The following PCDHGA8 variants were observed in gnomAD, a reference collection of about 807,000 sequenced individuals.
The protein encoded by PCDHGA8 is protocadherin gamma subfamily A, 8.
Under a neutral mutation model 59.2 loss-of-function variants are expected in PCDHGA8, and 45 were observed. The ratio of observed to expected loss-of-function variants is 0.76; its 90% CI spans 0.60 to 0.98. The LOEUF (loss-of-function observed/expected upper bound fraction) is 0.98, where lower values mean the gene tolerates loss of function less well. Among genes scored for constraint, PCDHGA8 ranks in the 50% least tolerant of loss-of-function variants. PCDHGA8 has a pLI of 0.00. For missense variants in PCDHGA8, 1,257 were observed against 1,196.2 expected, an observed-to-expected ratio of 1.05 and a Z score of -0.75; for synonymous variants, 531 against 519.0, an observed-to-expected ratio of 1.02 and a Z score of -0.32.
In PCDHGA8 at chr5:141,394,367, A is replaced by G. The variant is rs201573539; in HGVS notation, c.1554A>G (p.Gln518=). 248 of 1,614,150 alleles carry G rather than the reference A, an allele frequency of 1.5e-4. 1 individual carries two copies. Among genetic ancestry groups the G allele is most frequent in the Middle Eastern group, 1.2e-3 (7 of 6,062 alleles). The stretch of plus-strand genomic sequence containing the variant: ...ACACCGGTGTCCTGTATGCGCTGCA[A>G]TCTTTCGACTATGAGCAGATCCGAG... The part of the protein sequence containing the change: ...NSDTGVLYAL[Q]SFDYEQIRDL... Residue 518 remains glutamine (Q), a synonymous_variant, in exon 1 of 4, where the codon CAA becomes CAG. Coordinates refer to ENST00000398604, the MANE Select transcript of PCDHGA8 (RefSeq NM_032088.2).
At chr5:141,420,056 T>C (rs1241770239) in intron 1 of PCDHGA8, 1 of 1,614,044 alleles carries the variant, frequency 6.2e-7, no homozygotes, top group Admixed American at 1.7e-5. Flanking sequence ...AGTTCTCTGC[T>C]CCAAGTCCGG....
chr5:141,403,212 C>T (rs755734755), intron 1 of PCDHGA8: 8 of 1,613,834 alleles, frequency 5.0e-6, no homozygotes, highest in East Asian at 2.2e-5. Context: ...TTGGTCACCG[C>T]GGGTAGGATA....
At chr5:141,444,205 CTT>C in intron 1 of PCDHGA8, among the ~76,000 whole-genome samples, 1 of 77,932 alleles carries the variant, frequency 1.3e-5, no homozygotes. Context: ...GAGTTTCACT[CTT>C]GTTGCCCAGG....
chr5:141,511,632 G>A lies in PCDHGA8; in HGVS notation c.*459G>A, dbSNP rs1388627906. The A allele has an allele frequency of 8.6e-6, 2 of 231,934 alleles. No homozygotes were observed. The highest frequency in any genetic ancestry group is 5.1e-5 in the Admixed American group (1 of 19,634). 14.4% of individuals were successfully genotyped at this position (231,934 alleles called of 1,614,324 possible). A position where few individuals can be genotyped will look rare whatever the true frequency, so the allele number is the denominator to read the frequency against. On this transcript the variant is annotated 3_prime_UTR_variant, in exon 4 of 4. Transcript: ENST00000398604. ...CCTCCTAGTTCTGAAAAGTTGGAAG[G>A]GCATCATGACCTCTTGGCCTCTCCT...
At chr5:141,428,466 A>G (rs1230267635) in intron 1 of PCDHGA8, 1 of 344,756 alleles carries the variant, frequency 2.9e-6, no homozygotes, top group Admixed American at 4.1e-5. Context: ...ACAATGAGGG[A>G]ACTTTGCTTT....
intron 1 of PCDHGA8, among the ~76,000 whole-genome samples, chr5:141,488,139 T>A (rs906194527): frequency 6.6e-6 from 1 of 152,084 alleles, no homozygotes; most frequent in Non-Finnish European, 1.5e-5. Context: ...AGGAGAGAAC[T>A]AAAGGAATAG....
At chr5:141,418,307 A>C (rs372854408) in intron 1 of PCDHGA8, 24 of 1,613,982 alleles carry the variant, frequency 1.5e-5, no homozygotes, top group Non-Finnish European at 2.0e-5. Context: ...CAGCCTGGGG[A>C]TGGGAACAAT....
intron 1 of PCDHGA8, among the ~76,000 whole-genome samples, chr5:141,424,908 C>G (rs910592644): frequency 1.3e-5 from 2 of 152,184 alleles, no homozygotes; most frequent in Non-Finnish European, 2.9e-5. Context: ...TCACAGGAAT[C>G]ATTTCCATAA....
chr5:141,430,997 C>T, intron 1 of PCDHGA8: 1 of 1,613,926 alleles, frequency 6.2e-7, no homozygotes, highest in Non-Finnish European at 8.5e-7. Context: ...CCTGAATCCG[C>T]GCAGCGGCAG....
At position 141,431,303 on chromosome 5, in the gene PCDHGA8, G is replaced by T. The variant is rs777784010; in HGVS notation, c.2424+36066G>T. The T allele has an allele frequency of 1.2e-6, 2 of 1,614,060 alleles. No homozygotes were observed. Among genetic ancestry groups the T allele is most frequent in the Non-Finnish European group, 1.7e-6 (2 of 1,180,038 alleles). On this transcript the variant is annotated intron_variant, in intron 1 of 3. Coordinates refer to ENST00000398604, the MANE Select transcript of PCDHGA8 (RefSeq NM_032088.2). The surrounding 1 kb of genome is among the most constrained non-coding windows in gnomAD (Gnocchi z 4.8). ...CCCGAACACTCACTTCTCCCTCATC[G>T]TGCAAAATGGAGCCGACGGTAGTAA...
rs926009065 is a variant in PCDHGA8, at chr5:141,488,023, AG to A, written c.2425-6782del. ...TCAGATTCTGAAGTACCTTAACTCT[AG>A]GTTACCATTTCCCAAGGGATTGAGG... On this transcript the variant is annotated intron_variant, in intron 1 of 3. Transcript: ENST00000398604. 1.4e-3 allele frequency among the ~76,000 whole-genome samples: 213 copies of A among 152,260 alleles called. 1 individual carries two copies. The highest frequency in any genetic ancestry group is 5.0e-3 in the African/African-American group (208 of 41,542).
At position 141,477,761 on chromosome 5, in the gene PCDHGA8, AC is replaced by A. The variant is rs754006143; in HGVS notation, c.2425-17044del. ...CGATGGGGGCACCCCGGTCCTAGCC[AC>A]CAACATCAGCGTGAACATATTTGTC... On this transcript the variant is annotated intron_variant, in intron 1 of 3. Coordinates refer to ENST00000398604, the MANE Select transcript of PCDHGA8 (RefSeq NM_032088.2). This position sits in a 1 kb window ranked among gnomAD's most constrained non-coding sequence, Gnocchi z 4.9. 5 of 1,613,854 alleles carry A rather than the reference AC, an allele frequency of 3.1e-6. No homozygotes were observed. Among genetic ancestry groups the A allele is most frequent in the Non-Finnish European group, 4.2e-6 (5 of 1,180,044 alleles).
Position 141,430,867 on chromosome 5 carries a change from G to T in PCDHGA8, c.2424+35630G>T, listed in dbSNP as rs1157718106. ...GCACCCAGATACGCTATTCAGTTCC[G>T]GAAGAGCTGGAGAAAGGCTCTAGGG... On this transcript the variant is annotated intron_variant, in intron 1 of 3. Coordinates refer to ENST00000398604, the MANE Select transcript of PCDHGA8 (RefSeq NM_032088.2). 2.5e-6 allele frequency: 4 copies of T among 1,596,238 alleles called. No individual in the cohort carries two copies. In the East Asian group the frequency reaches 8.9e-5, roughly 36 times the overall value.
chr5:141,430,992 A>G (rs1223969128), intron 1 of PCDHGA8: 2 of 1,613,824 alleles, frequency 1.2e-6, no homozygotes, highest in Admixed American at 3.3e-5. Context: ...TTCGCCCTGA[A>G]TCCGCGCAGC....
intron 1 of PCDHGA8, among the ~76,000 whole-genome samples, chr5:141,488,225 T>G (rs2099673126): frequency 6.6e-6 from 1 of 152,136 alleles, no homozygotes. Flanking sequence ...CTACTGGGGA[T>G]TTGAACTAGA....
chr5:141,422,775 T>G (rs1179216247), intron 1 of PCDHGA8: 1 of 1,614,046 alleles, frequency 6.2e-7, no homozygotes, highest in Non-Finnish European at 8.5e-7. Context: ...GTGTTCTCTA[T>G]GCCCTACAAT....
intron 1 of PCDHGA8, among the ~76,000 whole-genome samples, chr5:141,438,609 T>TATAC (rs2098013849): frequency 2.4e-5 from 1 of 41,118 alleles, no homozygotes; most frequent in Non-Finnish European, 3.9e-5. Context: ...TATATATATA[T>TATAC]ATATATATAT....
chr5:141,431,325 G>C lies in PCDHGA8; in HGVS notation c.2424+36088G>C, dbSNP rs772252181. On this transcript the variant is annotated intron_variant, in intron 1 of 3. Coordinates refer to ENST00000398604, the MANE Select transcript of PCDHGA8 (RefSeq NM_032088.2). The surrounding 1 kb of genome is among the most constrained non-coding windows in gnomAD (Gnocchi z 4.8). Reference sequence around the variant, plus strand: ...ATCGTGCAAAATGGAGCCGACGGTAGTAAGTACCCCGAATTGGTGCTGAAA... The same window carrying C: ...ATCGTGCAAAATGGAGCCGACGGTACTAAGTACCCCGAATTGGTGCTGAAA... 4.3e-6 allele frequency: 7 copies of C among 1,614,144 alleles called. No individual in the cohort carries two copies. In the Admixed American group the frequency reaches 8.3e-5, roughly 19 times the overall value.
intron 1 of PCDHGA8, chr5:141,478,188 C>T (rs770414950): frequency 4.3e-6 from 7 of 1,613,920 alleles, no homozygotes; most frequent in Non-Finnish European, 5.9e-6. Flanking sequence ...AAAAATCTCA[C>T]CTTTTATCTA....
Sources: allele counts gnomAD v4.1 joint callset (sites outside exome capture counted in the v4.1 genomes callset), GRCh38; gene constraint gnomAD v4.1.1; non-coding constraint Gnocchi (gnomAD v3.1); transcripts MANE v1.5; gene names NCBI Gene and HGNC (gene_info 2026-07-23, HGNC 2026-07-21).